Variants in CCDC150 observed in about 807,000 individuals in gnomAD.
CCDC150 encodes the protein coiled-coil domain-containing protein 150.
Under a neutral mutation model 156.5 loss-of-function variants are expected in CCDC150, and 151 were observed. The ratio of observed to expected loss-of-function variants is 0.97; its 90% confidence interval spans 0.85 to 1.10. The LOEUF (loss-of-function observed/expected upper bound fraction) is 1.10. Among genes scored for constraint, CCDC150 ranks in the 50% least tolerant of loss-of-function variants. The pLI is 0.00. For synonymous variants in CCDC150, 452 were observed against 429.4 expected, an observed-to-expected ratio of 1.05 and a Z score of -0.65; for missense variants, 1,312 against 1,268.1, an observed-to-expected ratio of 1.03 and a Z score of -0.53.
At chr2:196,647,408 C>T (rs1575745751) in intron 2 of CCDC150, among the ~76,000 whole-genome samples, 1 of 152,050 alleles carries the variant, frequency 6.6e-6, no homozygotes, top group East Asian at 1.9e-4. Context: ...AATTATCACA[C>T]TTTAAATATT....
At position 196,677,280 on chromosome 2, in the gene CCDC150, C is replaced by A; in HGVS notation, c.1441-13C>A. On this transcript the variant is annotated splice_polypyrimidine_tract_variant and intron_variant, in intron 12 of 27. Transcript: ENST00000389175. ...TTGACCTATTCCTTTTTTTTCCCAT[C>A]CTCCTTGGGCAGGTTAATAAAACAG... is the stretch of plus-strand genomic sequence containing the variant. 1 of 1,553,510 alleles carries A rather than the reference C, an allele frequency of 6.4e-7. No homozygotes were observed. The highest frequency in any genetic ancestry group is 2.4e-5 in the East Asian group (1 of 42,214).
chr2:196,708,281 G>C (rs1230753674), intron 15 of CCDC150, among the ~76,000 whole-genome samples: 2 of 152,006 alleles, frequency 1.3e-5, no homozygotes, highest in East Asian at 3.9e-4. Context: ...TGTCTCTTTT[G>C]ATCTTTGTTG....
At position 196,646,426 on chromosome 2, in the gene CCDC150, A is replaced by G. The variant is rs1692544551; in HGVS notation, c.98A>G (p.Gln33Arg). The change falls in exon 2 of 28, where the codon CAG (glutamine) becomes CGG (arginine). Residue 33 changes from glutamine (Q) to arginine (R), a missense_variant. Coordinates refer to ENST00000389175, the MANE Select transcript of CCDC150 (RefSeq NM_001080539.2). ...GCTTCTGAAACATTCACAGTACTTC[A>G]GCAAAGGATGAGAATAGTTGAGGAA... ...ATASETFTVL[Q>R]QRMRIVEEQT... The G allele has an allele frequency of 3.1e-6, 5 of 1,613,772 alleles. No homozygotes were observed. The East Asian group carries it at 1.1e-4, about 36-fold the overall frequency.
At chr2:196,650,149 T>A (rs183676736) in intron 2 of CCDC150, among the ~76,000 whole-genome samples, 2 of 152,374 alleles carry the variant, frequency 1.3e-5, no homozygotes, top group Admixed American at 1.3e-4. Flanking sequence ...GCGTTTATTA[T>A]GTTGAGGTAC....
At chr2:196,659,039 A>G (rs1309072089) in intron 5 of CCDC150, among the ~76,000 whole-genome samples, 179 bp downstream of exon 5, 1 of 152,190 alleles carries the variant, frequency 6.6e-6, no homozygotes, top group Non-Finnish European at 1.5e-5. Context: ...TGACATTAAG[A>G]CTTCCTTTTA....
rs761630253 is a variant in CCDC150 at position 196,732,425 on chromosome 2, G to A, written c.3190-21G>A. The A allele has an allele frequency of 6.5e-6, 10 of 1,545,514 alleles. No individual in the cohort carries two copies. The Admixed American group carries it at 1.2e-4, about 18-fold the overall frequency. On this transcript the variant is annotated intron_variant, in intron 27 of 27. Transcript: ENST00000389175. ...AGTTAGCTCTGAACAGTCAGTGTTAGGTGTGTTTTCTTTCCAACAGGACCA... is the reference window on the plus strand; with the variant it reads ...AGTTAGCTCTGAACAGTCAGTGTTAAGTGTGTTTTCTTTCCAACAGGACCA...
At chr2:196,731,810 C>A (rs1559285582) in intron 26 of CCDC150, among the ~76,000 whole-genome samples, 1 of 152,152 alleles carries the variant, frequency 6.6e-6, no homozygotes, top group Non-Finnish European at 1.5e-5. Flanking sequence ...GAAACATTAA[C>A]AAATGCATGA....
At chr2:196,714,837 G>A (rs1329409080) in intron 17 of CCDC150, among the ~76,000 whole-genome samples, 2 of 152,016 alleles carry the variant, frequency 1.3e-5, no homozygotes, top group African/African-American at 2.4e-5. Flanking sequence ...TAAAAAACTG[G>A]TAGAATTTTT....
intron 1 of CCDC150, among the ~76,000 whole-genome samples, chr2:196,644,583 C>A (rs549049131): frequency 2.7e-4 from 41 of 152,012 alleles, no homozygotes; most frequent in African/African-American, 9.9e-4. Flanking sequence ...TGTAGAGGAG[C>A]CCCACTTCGA....
Position 196,668,295 on chromosome 2 carries a change from TAAAAA to T in CCDC150, c.892+1467_892+1471del, listed in dbSNP as rs55945331. Among the ~76,000 whole-genome samples, 5 of 92,254 alleles carry T rather than the reference TAAAAA, an allele frequency of 5.4e-5. No individual in the cohort carries two copies. The South Asian group carries it at 1.6e-3, about 30-fold the overall frequency. 60.5% of individuals were successfully genotyped at this position (92,254 alleles called of 152,430 possible). The stretch of plus-strand genomic sequence containing the variant: ...CTGGGCGACAGAGCAAAACTCCATC[TAAAAA>T]AAAAAAAAAAAAAAAAAAAGAAGAT... On this transcript the variant is annotated intron_variant, in intron 7 of 27. Coordinates refer to ENST00000389175, the MANE Select transcript of CCDC150 (RefSeq NM_001080539.2).
chr2:196,722,862 A>G (rs1478631893), intron 21 of CCDC150, among the ~76,000 whole-genome samples: 2 of 152,348 alleles, frequency 1.3e-5, no homozygotes, highest in African/African-American at 4.8e-5. Flanking sequence ...CTACTGCTTA[A>G]AACAAGCAAA....
At chr2:196,667,999 C>G (rs1187774348) in intron 7 of CCDC150, 1 of 152,136 alleles carries the variant, frequency 6.6e-6, no homozygotes, top group Non-Finnish European at 1.5e-5. Flanking sequence ...TACACACATT[C>G]TATAGAAGAT....
At position 196,656,759 on chromosome 2, in the gene CCDC150, AAATCG is replaced by A; in HGVS notation, c.307_311del (p.Arg103ValfsTer4). 1 of 1,613,906 alleles carries A rather than the reference AAATCG, an allele frequency of 6.2e-7. No individual in the cohort carries two copies. The highest frequency in any genetic ancestry group is 1.7e-5 in the Admixed American group (1 of 60,014). On this transcript the variant is annotated frameshift_variant, in exon 3 of 28. Coordinates refer to ENST00000389175, the MANE Select transcript of CCDC150 (RefSeq NM_001080539.2). LOFTEE classifies it high-confidence loss of function. ...TATGGAAGAACTGTGAGTTTCTGGT[AAATCG>A]AATGTGCCGTCTTGAAAGCCTCATG...
At chr2:196,700,000 A>G (rs570717238) in intron 14 of CCDC150, among the ~76,000 whole-genome samples, 1 of 152,368 alleles carries the variant, frequency 6.6e-6, no homozygotes, top group African/African-American at 2.4e-5. Flanking sequence ...TGTTGGAGAT[A>G]GTGAGGAATA....
Position 196,677,209 on chromosome 2 carries a change from A to G in CCDC150, c.1441-84A>G, listed in dbSNP as rs945736261. On this transcript the variant is annotated intron_variant, in intron 12 of 27. Transcript: ENST00000389175. ...CTCTGCAGTGTAGGTATTAATTGACATGCAGGATATGTGTGCTATAGTGGA... is the reference window on the plus strand; with the variant it reads ...CTCTGCAGTGTAGGTATTAATTGACGTGCAGGATATGTGTGCTATAGTGGA... 4 of 856,776 alleles carry G rather than the reference A, an allele frequency of 4.7e-6. No individual in the cohort carries two copies. The African/African-American group carries it at 6.7e-5, about 14-fold the overall frequency. 53.1% of individuals were successfully genotyped at this position (856,776 alleles called of 1,614,324 possible).
At chr2:196,705,386 C>T (rs1254871723) in intron 15 of CCDC150, among the ~76,000 whole-genome samples, 1 of 152,170 alleles carries the variant, frequency 6.6e-6, no homozygotes, top group African/African-American at 2.4e-5. Flanking sequence ...CCTTCGCCAA[C>T]TTTTTGATGG....
intron 5 of CCDC150, among the ~76,000 whole-genome samples, chr2:196,659,832 A>C (rs1693450524): frequency 6.6e-6 from 1 of 152,238 alleles, no homozygotes; most frequent in Non-Finnish European, 1.5e-5. Context: ...TTGAGCCATC[A>C]TTTAGTGAAA....
At chr2:196,642,038 A>G (rs899621895) in intron 1 of CCDC150, among the ~76,000 whole-genome samples, 2 of 152,224 alleles carry the variant, frequency 1.3e-5, no homozygotes, top group Non-Finnish European at 2.9e-5. Context: ...CTCCCTAAAC[A>G]TCAAGACAGA....
intron 23 of CCDC150, 191 bp downstream of exon 23, chr2:196,729,578 C>T: frequency 1.5e-6 from 1 of 665,638 alleles, no homozygotes; most frequent in South Asian, 2.0e-5. Flanking sequence ...TCATTTGCTG[C>T]CAGTGTCACA....
Sources: gnomAD v4.1 joint callset for allele counts (sites outside exome capture counted in the v4.1 genomes callset) on GRCh38, gnomAD v4.1.1 for gene constraint, MANE v1.5 for transcripts, NCBI Gene and HGNC (gene_info 2026-07-23, HGNC 2026-07-21) for gene names.